GCNT4: variants seen among roughly 807,000 people sequenced by gnomAD.
GCNT4 encodes the protein glucosaminyl (N-acetyl) transferase 4, also known as beta-1,3-galactosyl-O-glycosyl-glycoprotein beta-1,6-N-acetylglucosaminyltransferase 4.
GCNT4 carries 17 observed loss-of-function variants against 31.3 expected under a neutral mutation model. The observed-to-expected ratio is 0.54, with a 90% CI of 0.37 to 0.81. The LOEUF is 0.81. Ranked by LOEUF, GCNT4 falls within the 40% of genes least tolerant of loss-of-function variation. GCNT4 has a pLI of 0.00. For synonymous variants in GCNT4, 158 were observed against 190.6 expected, an observed-to-expected ratio of 0.83 and a Z score of 1.41; for missense variants, 503 against 525.5, an observed-to-expected ratio of 0.96 and a Z score of 0.42.
At chr5:75,054,023 A>G (rs1448565874), upstream of GCNT4, among the ~76,000 whole-genome samples, 1 of 151,660 alleles carries the variant, frequency 6.6e-6, no homozygotes, top group African/African-American at 2.4e-5. Context: ...GCCCAACCAG[A>G]CAGAAGGCAG....
At chr5:75,044,707 AG>A (rs1743396382) in intron 3 of GCNT4, among the ~76,000 whole-genome samples, 1 of 152,092 alleles carries the variant, frequency 6.6e-6, no homozygotes, top group South Asian at 2.1e-4. Flanking sequence ...CCATCTCCAA[AG>A]GCAACAGCCA....
At chr5:75,049,705 T>C (rs1743524134) in intron 2 of GCNT4, among the ~76,000 whole-genome samples, 1 of 152,190 alleles carries the variant, frequency 6.6e-6, no homozygotes, top group Non-Finnish European at 1.5e-5. Context: ...AAGCAGTGAC[T>C]GGATCCCTTT....
intron 3 of GCNT4, 177 bp from the exon 4 acceptor site, chr5:75,030,215 G>C: frequency 1.6e-6 from 1 of 621,574 alleles, no homozygotes; most frequent in Non-Finnish European, 2.8e-6. Context: ...ATGAAGAATG[G>C]TGGTATTTTG....
intron 3 of GCNT4, among the ~76,000 whole-genome samples, chr5:75,038,073 T>G (rs1743240885): frequency 6.6e-6 from 1 of 152,114 alleles, no homozygotes; most frequent in Non-Finnish European, 1.5e-5. Flanking sequence ...AAACACATTT[T>G]TTTTTTGGCT....
Position 75,028,624 on chromosome 5 carries a change from C to T in GCNT4, c.*52G>A. 1 of 1,520,906 alleles carries T rather than the reference C, an allele frequency of 6.6e-7. No homozygotes were observed. Among genetic ancestry groups the T allele is most frequent in the Non-Finnish European group, 8.9e-7 (1 of 1,120,240 alleles). The allele number at this position is 1,520,906 out of a possible 1,614,324, so 94.2% of individuals were successfully genotyped here. A position where few individuals can be genotyped will look rare whatever the true frequency, so the allele number is the denominator to read the frequency against. On this transcript the variant is annotated 3_prime_UTR_variant, in exon 4 of 4. Coordinates refer to ENST00000652361, the MANE Select transcript of GCNT4 (RefSeq NM_001366737.1). ...TTGGGCATAGTATGGTATTCAATTC[C>T]ACACTGACTCCATTTATCAGGCACC...
chr5:75,039,079 T>C (rs1440824634), intron 3 of GCNT4, among the ~76,000 whole-genome samples: 1 of 151,980 alleles, frequency 6.6e-6, no homozygotes, highest in African/African-American at 2.4e-5. Flanking sequence ...ACTGTTTTTT[T>C]TTGTTTTGTT....
rs780763342 is a variant in GCNT4 at position 75,029,811 on chromosome 5, A to G, written c.227T>C (p.Ile76Thr). Residue 76 changes from isoleucine to threonine, a missense_variant, in exon 4 of 4, where the codon ATC becomes ACC. Ile to Thr is a moderately conservative substitution (Grantham distance 89). Coordinates refer to ENST00000652361, the MANE Select transcript of GCNT4 (RefSeq NM_001366737.1). The stretch of plus-strand genomic sequence containing the variant: ...AATTTCCAAAGGCTCCTGTTCATAG[A>G]TACCCGAACAGTTAACTTCATACCT... ...EVRYEVNCSG[I>T]YEQEPLEIGK... 5.6e-6 allele frequency: 9 copies of G among 1,614,136 alleles called. No individual in the cohort carries two copies. Among genetic ancestry groups the G allele is most frequent in the Non-Finnish European group, 7.6e-6 (9 of 1,180,012 alleles).
At chr5:75,052,979 T>G (rs975618808), upstream of GCNT4, 1 of 152,020 alleles carries the variant, frequency 6.6e-6, no homozygotes, top group African/African-American at 2.4e-5. Flanking sequence ...TCTTGGCACT[T>G]GGGGAGAGTC....
chr5:75,030,130 G>T, intron 3 of GCNT4, 92 bp from the exon 4 acceptor site: 1 of 1,140,566 alleles, frequency 8.8e-7, no homozygotes, highest in Non-Finnish European at 1.3e-6. Flanking sequence ...CCACATACTA[G>T]GCAAATGCTG....
chr5:75,040,038 A>G (rs1361246740), intron 3 of GCNT4, among the ~76,000 whole-genome samples: 1 of 152,130 alleles, frequency 6.6e-6, no homozygotes, highest in Non-Finnish European at 1.5e-5. Flanking sequence ...CCAGCCTTCT[A>G]AAAGTTCCTA....
intron 3 of GCNT4, among the ~76,000 whole-genome samples, chr5:75,045,319 A>G: frequency 6.6e-6 from 1 of 152,166 alleles, no homozygotes. Flanking sequence ...GCCAACCACC[A>G]TTCTACTTTC....
intron 3 of GCNT4, among the ~76,000 whole-genome samples, chr5:75,032,745 GCTGTGGAAAA>G (rs1743092427): frequency 6.6e-6 from 1 of 152,132 alleles, no homozygotes; most frequent in African/African-American, 2.4e-5. Context: ...TTGTTCTAAA[GCTGTGGAAAA>G]CTGTCCCCAC....
intron 3 of GCNT4, among the ~76,000 whole-genome samples, chr5:75,033,542 T>C (rs573101919): frequency 2.8e-4 from 42 of 152,288 alleles, no homozygotes; most frequent in African/African-American, 7.9e-4. Context: ...GAGAGTTTGT[T>C]TGTCTTGGGG....
At position 75,047,933 on chromosome 5, in the gene GCNT4, G is replaced by C. The variant is rs537849833; in HGVS notation, c.-38C>G. 6.6e-6 allele frequency: 1 copy of C among 152,226 alleles called. No individual in the cohort carries two copies. The highest frequency in any genetic ancestry group is 1.9e-4 in the East Asian group (1 of 5,172). 9.4% of individuals were successfully genotyped at this position (152,226 alleles called of 1,614,324 possible). ...CTCCAAAGAAAACCCCAGGCTGATGGTATAAACAGCGTAGGGAAAGGAACA... is the reference window on the plus strand; with the variant it reads ...CTCCAAAGAAAACCCCAGGCTGATGCTATAAACAGCGTAGGGAAAGGAACA... On this transcript the variant is annotated 5_prime_UTR_variant, in exon 3 of 4. An upstream open reading frame in the 5' UTR gains an earlier in-frame stop. Coordinates refer to ENST00000652361, the MANE Select transcript of GCNT4 (RefSeq NM_001366737.1).
At chr5:75,036,233 A>C (rs555123529) in intron 3 of GCNT4, among the ~76,000 whole-genome samples, 23 of 152,176 alleles carry the variant, frequency 1.5e-4, no homozygotes, top group Non-Finnish European at 3.1e-4. Context: ...TGTAGTTATT[A>C]ATAATGTAGA....
rs537195853 is a variant in GCNT4, at chr5:75,032,735, T to C, written c.-1-2697A>G. On this transcript the variant is annotated intron_variant, in intron 3 of 3. Coordinates refer to ENST00000652361, the MANE Select transcript of GCNT4 (RefSeq NM_001366737.1). ...GGCTCAAGGCCAGGGTTCTTGCCAG[T>C]TGTTCTAAAGCTGTGGAAAACTGTC... Among the ~76,000 whole-genome samples the C allele has an allele frequency of 6.6e-5, 10 of 152,294 alleles. No homozygotes were observed. In the South Asian group the frequency reaches 2.1e-3, roughly 32 times the overall value.
chr5:75,023,324 C>T (rs989350542), downstream of GCNT4, among the ~76,000 whole-genome samples: 2 of 152,184 alleles, frequency 1.3e-5, no homozygotes, highest in African/African-American at 4.8e-5. Context: ...TAAGTAGAGG[C>T]TGTAGTTGTA....
intron 3 of GCNT4, among the ~76,000 whole-genome samples, chr5:75,037,235 AG>A (rs1743218057): frequency 6.6e-6 from 1 of 152,176 alleles, no homozygotes; most frequent in Admixed American, 6.5e-5. Context: ...CTCACTGCCA[AG>A]CCCAGGGGAT....
At chr5:75,019,682 G>GA in the GCNT4 span, among the ~76,000 whole-genome samples, 1 of 152,128 alleles carries the variant, frequency 6.6e-6, no homozygotes, top group Non-Finnish European at 1.5e-5. Flanking sequence ...ACAATGCCTG[G>GA]AATCTGTAAG....
Sources: gnomAD v4.1 joint callset for allele counts (sites outside exome capture counted in the v4.1 genomes callset) on GRCh38, gnomAD v4.1.1 for gene constraint, MANE v1.5 for transcripts, NCBI Gene and HGNC (gene_info 2026-07-23, HGNC 2026-07-21) for gene names.